The following TOM1L2 variants were observed in gnomAD, a reference collection of about 807,000 sequenced individuals.
TOM1L2 encodes target of myb1 like 2 membrane trafficking protein, also known as TOM1-like protein 2.
In TOM1L2, 31 loss-of-function variants were observed where a neutral mutation model predicts 67.9. The ratio of observed to expected loss-of-function variants is 0.46; its 90% CI spans 0.34 to 0.62. TOM1L2 has a LOEUF of 0.62. TOM1L2 is among the 20% of genes least tolerant of loss of function. The pLI is 0.01. For synonymous variants in TOM1L2, 256 were observed against 254.0 expected, an observed-to-expected ratio of 1.01 and a Z score of -0.07; for missense variants, 606 against 663.5, an observed-to-expected ratio of 0.91 and a Z score of 0.95.
intron 1 of TOM1L2, among the ~76,000 whole-genome samples, chr17:17,932,256 A>T (rs1451156735): frequency 6.6e-6 from 1 of 152,200 alleles, no homozygotes; most frequent in Non-Finnish European, 1.5e-5. Context: ...CAAGACCAAG[A>T]ACTTATGAAC....
At chr17:17,965,301 A>C (rs550397535) in intron 1 of TOM1L2, among the ~76,000 whole-genome samples, 2 of 152,068 alleles carry the variant, frequency 1.3e-5, no homozygotes, top group Non-Finnish European at 2.9e-5. Context: ...CCCTCCACAC[A>C]ATCAGGCCTT....
chr17:17,921,866 C>T (rs1466546276), intron 1 of TOM1L2, among the ~76,000 whole-genome samples: 2 of 151,934 alleles, frequency 1.3e-5, no homozygotes, highest in Non-Finnish European at 2.9e-5. Context: ...TTCCCCTCGC[C>T]CTCGTGCCCA....
Position 17,866,412 on chromosome 17 carries a change from T to A in TOM1L2, c.968A>T (p.Asn323Ile), listed in dbSNP as rs775698263. Residue 323 changes from asparagine to isoleucine, a missense_variant, in exon 10 of 15, where the codon AAT becomes ATT. Asn to Ile is a moderately radical substitution (Grantham distance 149). Coordinates refer to ENST00000379504, the MANE Select transcript of TOM1L2 (RefSeq NM_001082968.2). ...TATTAAGTTGTCTTCGGTTACTTCA[T>A]TCAGTACCTGTCAGAACATGAGATT... ...SVQNASNGVL[N>I]EVTEDNLIDL... The A allele has an allele frequency of 1.9e-6, 3 of 1,598,914 alleles. No individual in the cohort carries two copies. The highest frequency in any genetic ancestry group is 2.6e-6 in the Non-Finnish European group (3 of 1,171,326).
intron 7 of TOM1L2, among the ~76,000 whole-genome samples, chr17:17,876,449 T>C (rs1039229604): frequency 7.2e-5 from 11 of 152,244 alleles, no homozygotes; most frequent in Non-Finnish European, 5.9e-5. Flanking sequence ...GTGGGGCTTA[T>C]GGCAATCTTC....
intron 4 of TOM1L2, among the ~76,000 whole-genome samples, chr17:17,888,571 C>G (rs1321948046): frequency 1.3e-5 from 2 of 152,244 alleles, no homozygotes; most frequent in Non-Finnish European, 2.9e-5. Flanking sequence ...CACACAGAAT[C>G]TGGCCAGAGC....
chr17:17,845,985 TCTGGAGGGAG>T lies in TOM1L2; in HGVS notation c.*1640_*1649del, dbSNP rs762265362. 9.4e-4 allele frequency: 144 copies of T among 152,414 alleles called. 1 individual carries two copies. The highest frequency in any genetic ancestry group is 1.5e-3 in the Non-Finnish European group (100 of 68,110). 9.4% of individuals were successfully genotyped at this position (152,414 alleles called of 1,614,324 possible). On this transcript the variant is annotated 3_prime_UTR_variant, in exon 15 of 15. Coordinates refer to ENST00000379504, the MANE Select transcript of TOM1L2 (RefSeq NM_001082968.2). Reference sequence around the variant, plus strand: ...CCCTCAGCCAGACAGAGGTTTCCTCTCTGGAGGGAGCTGGAGGGCTGCTAGCCTGGCACAG... The same window carrying T: ...CCCTCAGCCAGACAGAGGTTTCCTCTCTGGAGGGCTGCTAGCCTGGCACAG...
chr17:17,869,581 A>G, intron 7 of TOM1L2, 108 bp from the exon 8 acceptor site: 2 of 1,435,334 alleles, frequency 1.4e-6, no homozygotes, highest in Non-Finnish European at 1.8e-6. Flanking sequence ...AAAGGAGTAC[A>G]TGCTTGTTCA....
At chr17:17,865,226 T>C (rs1349127263) in intron 10 of TOM1L2, among the ~76,000 whole-genome samples, 3 of 152,194 alleles carry the variant, frequency 2.0e-5, no homozygotes, top group Admixed American at 6.5e-5. Context: ...AGCAAATATT[T>C]CAGTGCTGCT....
intron 7 of TOM1L2, among the ~76,000 whole-genome samples, chr17:17,873,776 G>A (rs2037274289): frequency 1.3e-5 from 2 of 152,240 alleles, no homozygotes; most frequent in South Asian, 4.1e-4. Flanking sequence ...AAAATAAGGG[G>A]GCTGCATTCA....
chr17:17,951,497 T>C (rs958069048), intron 1 of TOM1L2, among the ~76,000 whole-genome samples: 1 of 152,198 alleles, frequency 6.6e-6, no homozygotes, highest in African/African-American at 2.4e-5. Context: ...AAAAAGTTGC[T>C]GCCCTGGAGT....
intron 10 of TOM1L2, among the ~76,000 whole-genome samples, chr17:17,865,950 C>T (rs1476508747): frequency 1.3e-5 from 2 of 151,702 alleles, no homozygotes; most frequent in Admixed American, 1.3e-4. Flanking sequence ...CCATGTTGGT[C>T]AGGCTGGTCT....
chr17:17,879,840 C>T (rs1266457093), intron 6 of TOM1L2, 97 bp from the exon 7 acceptor site: 1 of 1,048,366 alleles, frequency 9.5e-7, no homozygotes, highest in African/African-American at 1.6e-5. Context: ...AGTGACAATC[C>T]TTCTCACTGG....
chr17:17,931,367 T>C (rs2040327338), intron 1 of TOM1L2, among the ~76,000 whole-genome samples: 1 of 152,182 alleles, frequency 6.6e-6, no homozygotes, highest in African/African-American at 2.4e-5. Flanking sequence ...AGCAAGATCT[T>C]TGGAGTCAGA....
At chr17:17,896,675 G>C (rs1413846697) in intron 3 of TOM1L2, among the ~76,000 whole-genome samples, 1 of 152,196 alleles carries the variant, frequency 6.6e-6, no homozygotes, top group Non-Finnish European at 1.5e-5. Flanking sequence ...ACATACAGTG[G>C]TAATTTTCCA....
At chr17:17,887,983 C>T (rs952807285) in intron 4 of TOM1L2, among the ~76,000 whole-genome samples, 5 of 151,564 alleles carry the variant, frequency 3.3e-5, no homozygotes, top group African/African-American at 4.8e-5. Flanking sequence ...GGAAGGCTGA[C>T]CCAGCTGAGA....
Position 17,866,296 on chromosome 17 carries a change from C to T in TOM1L2, c.1084G>A (p.Asp362Asn). 1 of 1,612,436 alleles carries T rather than the reference C, an allele frequency of 6.2e-7. No individual in the cohort carries two copies. ...CCTTTTGTCCCTGTGAGACACTCAC[C>T]TAAGCCTGCAAGCTGGGAGGAGAGG... The part of the protein sequence containing the change: ...SSLSSQLAGL[D>N]LGTESVSGTL... The change falls in exon 10 of 15, where the codon GAC (aspartate) becomes AAC (asparagine). Residue 362 changes from aspartate (D) to asparagine (N), a missense_variant and splice_region_variant. Coordinates refer to ENST00000379504, the MANE Select transcript of TOM1L2 (RefSeq NM_001082968.2).
intron 6 of TOM1L2, among the ~76,000 whole-genome samples, chr17:17,881,491 C>A (rs1395867487): frequency 6.6e-6 from 1 of 152,208 alleles, no homozygotes; most frequent in African/African-American, 2.4e-5. Context: ...AGTAACTGTC[C>A]AACTTCAAAC....
intron 1 of TOM1L2, among the ~76,000 whole-genome samples, chr17:17,969,522 C>T (rs1006950572): frequency 3.4e-5 from 5 of 149,228 alleles, no homozygotes; most frequent in African/African-American, 1.2e-4. Flanking sequence ...ACGGAATATA[C>T]ATTAGAACCT....
chr17:17,866,731 T>A, intron 9 of TOM1L2, 145 bp downstream of exon 9: 1 of 887,376 alleles, frequency 1.1e-6, no homozygotes. Context: ...AGCTCTGCCC[T>A]AGTATCCCAT....
Sources: allele counts gnomAD v4.1 joint callset (sites outside exome capture counted in the v4.1 genomes callset), GRCh38; gene constraint gnomAD v4.1.1; transcripts MANE v1.5; gene names NCBI Gene and HGNC (gene_info 2026-07-23, HGNC 2026-07-21).